Variants in ATRNL1 observed in about 807,000 individuals in gnomAD.
The protein encoded by ATRNL1 is attractin like 1.
In ATRNL1, 95 loss-of-function variants were observed where a neutral mutation model predicts 182.7. That is an observed-to-expected ratio of 0.52 (90% CI 0.44 to 0.62). The LOEUF is 0.62. Ranked by LOEUF, ATRNL1 falls within the 20% of genes least tolerant of loss-of-function variation. The probability of loss-of-function intolerance (pLI) is 0.00; values close to 1 mark genes in which losing one functional copy is unlikely to be tolerated. For missense variants in ATRNL1, 1,471 were observed against 1,679.5 expected (o/e 0.88, Z 2.17); for synonymous variants, 576 against 568.3 (o/e 1.01, Z -0.19).
rs149118845 is a variant in ATRNL1, at chr10:115,803,766, C to T, written c.3904-44111C>T. On this transcript the variant is annotated intron_variant, in intron 27 of 28. Transcript: ENST00000355044. The stretch of plus-strand genomic sequence containing the variant: ...ATGGTTACTAACATATAAATAAACT[C>T]TTTTAACTGCAAAGTCAGAATGGGT... Among the ~76,000 whole-genome samples the T allele has an allele frequency of 3.8e-3, 585 of 151,994 alleles. 5 individuals carry two copies. Among genetic ancestry groups the T allele is most frequent in the Admixed American group, 4.1e-3 (63 of 15,250 alleles).
At chr10:115,346,055 A>G (rs1185037064) in intron 19 of ATRNL1, among the ~76,000 whole-genome samples, 1 of 152,204 alleles carries the variant, frequency 6.6e-6, no homozygotes, top group Non-Finnish European at 1.5e-5. Context: ...TTATTCAAGT[A>G]CTTTACCTGT....
At chr10:115,436,594 T>C (rs1554964858) in intron 21 of ATRNL1, among the ~76,000 whole-genome samples, 1 of 152,108 alleles carries the variant, frequency 6.6e-6, no homozygotes, top group African/African-American at 2.4e-5. Context: ...GCATGGATAG[T>C]ACAGTTGAGC....
intron 19 of ATRNL1, among the ~76,000 whole-genome samples, chr10:115,360,672 T>A (rs956471101): frequency 4.6e-5 from 7 of 151,124 alleles, no homozygotes; most frequent in East Asian, 3.9e-4. Context: ...TAAAAAAAAA[T>A]TTATTTTACT....
rs535539061 is a variant in ATRNL1 at position 115,916,284 on chromosome 10, A to G, written c.4019-28374A>G. ...TGCGGAATTGCTTCAGATTTAAGCT[A>G]TAGCCTAATCGTAATTAGCAGCCCA... On this transcript the variant is annotated intron_variant, in intron 28 of 28. Coordinates refer to ENST00000355044, the MANE Select transcript of ATRNL1 (RefSeq NM_207303.4). Among the ~76,000 whole-genome samples the G allele has an allele frequency of 2.6e-5, 4 of 152,376 alleles. No homozygotes were observed. The East Asian group carries it at 7.7e-4, about 29-fold the overall frequency.
chr10:115,556,245 A>G (rs1328113517), intron 26 of ATRNL1, among the ~76,000 whole-genome samples: 1 of 152,100 alleles, frequency 6.6e-6, no homozygotes, highest in African/African-American at 2.4e-5. Flanking sequence ...CACTCAGAAT[A>G]TTTATTTTCT....
intron 26 of ATRNL1, among the ~76,000 whole-genome samples, chr10:115,704,209 C>T (rs1202449860): frequency 6.6e-6 from 1 of 151,844 alleles, no homozygotes; most frequent in Non-Finnish European, 1.5e-5. Context: ...TGTGCCTCTT[C>T]CTAGCTTCTG....
At chr10:115,098,177 A>T (rs1267480376) in intron 1 of ATRNL1, among the ~76,000 whole-genome samples, 1 of 152,130 alleles carries the variant, frequency 6.6e-6, no homozygotes, top group Non-Finnish European at 1.5e-5. Context: ...ATTTAAATTG[A>T]GTGTTTCTTA....
chr10:115,180,381 T>G (rs1269370082), intron 8 of ATRNL1, among the ~76,000 whole-genome samples: 7 of 152,034 alleles, frequency 4.6e-5, no homozygotes, highest in Non-Finnish European at 8.8e-5. Flanking sequence ...TTACCAAGAT[T>G]CATCCATGTC....
At chr10:115,116,494 G>T (rs1420294194) in intron 1 of ATRNL1, among the ~76,000 whole-genome samples, 1 of 151,944 alleles carries the variant, frequency 6.6e-6, no homozygotes, top group Non-Finnish European at 1.5e-5. Context: ...TATGGTCCTG[G>T]AGTGCAAGAC....
chr10:115,381,563 G>T (rs112991394), intron 19 of ATRNL1, among the ~76,000 whole-genome samples: 2 of 151,316 alleles, frequency 1.3e-5, no homozygotes, highest in Non-Finnish European at 2.9e-5. Flanking sequence ...GCAAGTCACC[G>T]TGCCAGGCCA....
chr10:115,255,599 T>G (rs2133854652), intron 10 of ATRNL1, among the ~76,000 whole-genome samples: 1 of 152,310 alleles, frequency 6.6e-6, no homozygotes, highest in East Asian at 1.9e-4. Flanking sequence ...ACAATTTGAC[T>G]TCCTCATTTC....
intron 26 of ATRNL1, among the ~76,000 whole-genome samples, chr10:115,649,703 A>C (rs530831186): frequency 2.0e-5 from 3 of 152,142 alleles, no homozygotes; most frequent in African/African-American, 7.2e-5. Context: ...AAAGAAAAAA[A>C]CCTTTAAAAT....
intron 25 of ATRNL1, among the ~76,000 whole-genome samples, chr10:115,535,565 A>G (rs1296659734): frequency 6.6e-6 from 1 of 152,148 alleles, no homozygotes; most frequent in Admixed American, 6.5e-5. Flanking sequence ...ATCCTCCTGT[A>G]GCTCGGAGCA....
chr10:115,777,746 A>C (rs116032503), intron 27 of ATRNL1, among the ~76,000 whole-genome samples: 2,099 of 152,292 alleles, frequency 0.014, 45 homozygotes, highest in African/African-American at 0.048. Context: ...CCTCACCCAC[A>C]AAAGGCTTTC....
chr10:115,625,154 T>A (rs59345743), intron 26 of ATRNL1, among the ~76,000 whole-genome samples: 6,777 of 152,188 alleles, frequency 0.045, 463 homozygotes, highest in African/African-American at 0.15. Context: ...CTTTACAGTG[T>A]TAGTGGATGC....
intron 20 of ATRNL1, among the ~76,000 whole-genome samples, chr10:115,396,971 A>C (rs1361452553): frequency 6.6e-6 from 1 of 151,954 alleles, no homozygotes; most frequent in Non-Finnish European, 1.5e-5. Context: ...GAAGAGGATA[A>C]TAATGGAATA....
At chr10:115,379,463 A>C (rs562994872) in intron 19 of ATRNL1, among the ~76,000 whole-genome samples, 1 of 152,318 alleles carries the variant, frequency 6.6e-6, no homozygotes, top group East Asian at 1.9e-4. Context: ...TAATTCTTTT[A>C]AGAAATGTGG....
chr10:115,172,844 T>G (rs543284122), intron 8 of ATRNL1, among the ~76,000 whole-genome samples: 1 of 150,996 alleles, frequency 6.6e-6, no homozygotes, highest in South Asian at 2.1e-4. Context: ...TCAAGTTGTT[T>G]TTTTTTTTTT....
chr10:115,172,559 A>G (rs987300238), intron 8 of ATRNL1, among the ~76,000 whole-genome samples: 1 of 151,960 alleles, frequency 6.6e-6, no homozygotes, highest in Non-Finnish European at 1.5e-5. Context: ...GTTACGTTCT[A>G]GACCTTGTTA....
Sources: allele counts gnomAD v4.1 joint callset (sites outside exome capture counted in the v4.1 genomes callset), GRCh38; gene constraint gnomAD v4.1.1; transcripts MANE v1.5; gene names NCBI Gene and HGNC (gene_info 2026-07-23, HGNC 2026-07-21).